RNF19A: variants seen among roughly 807,000 people sequenced by gnomAD.
RNF19A encodes ring finger protein 19A, RBR E3 ubiquitin protein ligase.
Under a neutral mutation model 75.7 loss-of-function variants are expected in RNF19A, and 32 were observed. The ratio of observed to expected loss-of-function variants is 0.42; its 90% CI spans 0.32 to 0.57. The LOEUF (loss-of-function observed/expected upper bound fraction) is 0.57. RNF19A is among the 20% of genes least tolerant of loss of function. The pLI, the probability that RNF19A is intolerant of heterozygous loss-of-function variation, is 0.10. For missense variants in RNF19A, 782 were observed against 1,036.3 expected (o/e 0.75, Z 3.37); for synonymous variants, 335 against 345.2 (o/e 0.97, Z 0.33).
chr8:100,320,727 C>T (rs960963641), intron 1 of RNF19A, among the ~76,000 whole-genome samples: 15 of 150,466 alleles, frequency 1.0e-4, no homozygotes, highest in South Asian at 2.1e-4. Context: ...AAATAATACA[C>T]GTAAAGCATT....
rs754033231 is a variant in RNF19A at position 100,287,049 on chromosome 8, TA to T, written c.674+451del. ...GAACACATCATACTGTGGCACATGCTAAGGTAGGTACCTTTCAAAAGGGCCA... is the reference window on the plus strand; with the variant it reads ...GAACACATCATACTGTGGCACATGCTAGGTAGGTACCTTTCAAAAGGGCCA... On this transcript the variant is annotated intron_variant, in intron 2 of 9. Transcript: ENST00000341084. This position sits in a 1 kb window ranked among gnomAD's most constrained non-coding sequence, Gnocchi z 4.1. 1.4e-4 allele frequency among the ~76,000 whole-genome samples: 22 copies of T among 152,118 alleles called. No homozygotes were observed. Among genetic ancestry groups the T allele is most frequent in the Admixed American group, 3.3e-4 (5 of 15,274 alleles).
At chr8:100,290,117 CT>C (rs1254275845) in intron 1 of RNF19A, among the ~76,000 whole-genome samples, 1 of 151,986 alleles carries the variant, frequency 6.6e-6, no homozygotes, top group East Asian at 1.9e-4. Context: ...ACAAAGGGAA[CT>C]TTTTTTGTTT....
chr8:100,309,972 T>A (rs1218093371), upstream of RNF19A: 2 of 985,142 alleles, frequency 2.0e-6, no homozygotes, highest in African/African-American at 3.5e-5. Flanking sequence ...GTCCCTCCGA[T>A]GCGCCGAGGC....
Position 100,275,447 on chromosome 8 carries a change from G to A in RNF19A, c.675-286C>T, listed in dbSNP as rs1455616420. ...ATTCAGGGGGTACATGTGCAAGTTT[G>A]TTACATAGGTCTATTGCATGATGCT... On this transcript the variant is annotated intron_variant, in intron 2 of 9. Transcript: ENST00000341084. The surrounding 1 kb of genome is among the most constrained non-coding windows in gnomAD (Gnocchi z 4.3). Among the ~76,000 whole-genome samples, 1 of 150,956 alleles carries A rather than the reference G, an allele frequency of 6.6e-6. No individual in the cohort carries two copies. The highest frequency in any genetic ancestry group is 1.5e-5 in the Non-Finnish European group (1 of 67,768).
chr8:100,274,768 A>G (rs1820421939), intron 3 of RNF19A, among the ~76,000 whole-genome samples, 185 bp downstream of exon 3: 1 of 152,172 alleles, frequency 6.6e-6, no homozygotes. Flanking sequence ...TTTCCTGGAC[A>G]GTATAATCTT....
Position 100,293,933 on chromosome 8 carries a change from A to G in RNF19A, c.-93-5666T>C, listed in dbSNP as rs146265711. ...TTTAGATATTGTACTTTTCAGTTCT[A>G]TAACATCTATTGTTCTTTTTCATAG... On this transcript the variant is annotated intron_variant, in intron 1 of 9. Coordinates refer to ENST00000341084, the MANE Select transcript of RNF19A (RefSeq NM_183419.4). Among the ~76,000 whole-genome samples, 18 of 152,298 alleles carry G rather than the reference A, an allele frequency of 1.2e-4. No individual in the cohort carries two copies. In the East Asian group the frequency reaches 2.5e-3, roughly 21 times the overall value.
chr8:100,274,997 A>T lies in RNF19A; in HGVS notation c.839T>A (p.Ile280Lys), dbSNP rs999898974. The change falls in exon 3 of 10, where the codon ATA becomes AAA. Residue 280 changes from isoleucine (I) to lysine (K), a missense_variant. Physicochemically the swap from Ile to Lys is moderately radical, Grantham distance 102 (BLOSUM62 -3). This residue lies in a region of RNF19A where 34 missense variants were observed against 25.2 expected (regional missense o/e 1.35). Coordinates refer to ENST00000341084, the MANE Select transcript of RNF19A (RefSeq NM_183419.4). ...ERAQSLRLRT[I>K]RSSSISYSQE... ...ACTATAACTAATGGATGAAGAACGT[A>T]TAGTTCTCAAACGTAAGCTCTGGGC... 6.2e-7 allele frequency: 1 copy of T among 1,614,188 alleles called. No homozygotes were observed. Among genetic ancestry groups the T allele is most frequent in the Non-Finnish European group, 8.5e-7 (1 of 1,180,008 alleles).
upstream of RNF19A, among the ~76,000 whole-genome samples, chr8:100,313,867 G>A (rs1822335936): frequency 6.7e-6 from 1 of 150,322 alleles, no homozygotes; most frequent in Non-Finnish European, 1.5e-5. Context: ...TGCATGGAAT[G>A]GAATAAAAGT....
At chr8:100,307,507 T>C (rs763131031) in intron 1 of RNF19A, among the ~76,000 whole-genome samples, 9 of 151,656 alleles carry the variant, frequency 5.9e-5, no homozygotes, top group Admixed American at 2.6e-4. Context: ...AAAATTTCTA[T>C]ATAAATCTAA....
At chr8:100,262,472 C>T (rs1819765138) in intron 7 of RNF19A, among the ~76,000 whole-genome samples, 1 of 151,766 alleles carries the variant, frequency 6.6e-6, no homozygotes, top group South Asian at 2.1e-4. Context: ...GTTTAAAAGC[C>T]TAGAAGTAGG....
intron 1 of RNF19A, among the ~76,000 whole-genome samples, chr8:100,307,164 C>T (rs1822096524): frequency 6.6e-6 from 1 of 152,150 alleles, no homozygotes; most frequent in South Asian, 2.1e-4. Context: ...CAGTACAAAA[C>T]CAGCCTGCAT....
rs895027816 is a variant in RNF19A at position 100,269,279 on chromosome 8, A to T, written c.1029-332T>A. On this transcript the variant is annotated intron_variant, in intron 4 of 9. Coordinates refer to ENST00000341084, the MANE Select transcript of RNF19A (RefSeq NM_183419.4). The surrounding 1 kb of genome is among the most constrained non-coding windows in gnomAD (Gnocchi z 5.7). The stretch of plus-strand genomic sequence containing the variant: ...GTTTAATAGTAAATTAATGCAAAAC[A>T]TGCATATTTTTAGGCATCAATTATC... 2.6e-5 allele frequency among the ~76,000 whole-genome samples: 4 copies of T among 152,038 alleles called. No individual in the cohort carries two copies. Among genetic ancestry groups the T allele is most frequent in the African/African-American group, 9.7e-5 (4 of 41,434 alleles).
upstream of RNF19A, among the ~76,000 whole-genome samples, chr8:100,311,986 A>G (rs1822306516): frequency 6.6e-6 from 1 of 152,116 alleles, no homozygotes. Context: ...CCCCAACTTG[A>G]ATTCCTAGAG....
In RNF19A at chr8:100,258,460, C is replaced by T; in HGVS notation, c.*96G>A. On this transcript the variant is annotated 3_prime_UTR_variant, in exon 10 of 10. Transcript: ENST00000341084. This position sits in a 1 kb window ranked among gnomAD's most constrained non-coding sequence, Gnocchi z 4.3. ...TCTGCATTATGATAATGAAACCCGG[C>T]TTTTGCTGGTAACCTGAAACTTAAG... is the stretch of plus-strand genomic sequence containing the variant. 1 of 998,092 alleles carries T rather than the reference C, an allele frequency of 1.0e-6. No individual in the cohort carries two copies. Among genetic ancestry groups the T allele is most frequent in the Non-Finnish European group, 1.5e-6 (1 of 668,202 alleles). The allele number at this position is 998,092 out of a possible 1,614,324, so 61.8% of individuals were successfully genotyped here.
At chr8:100,314,050 T>A (rs1437507250), upstream of RNF19A, among the ~76,000 whole-genome samples, 2 of 151,786 alleles carry the variant, frequency 1.3e-5, no homozygotes, top group African/African-American at 4.8e-5. This position sits in a 1 kb window ranked among gnomAD's most constrained non-coding sequence, Gnocchi z 4.1. Flanking sequence ...CCTGGCTAAT[T>A]TTTGTATTTT....
In RNF19A at chr8:100,258,749, C is replaced by CA. The variant is rs1341975811; in HGVS notation, c.2323dup (p.Cys775LeufsTer2). On this transcript the variant is annotated frameshift_variant, in exon 10 of 10. Transcript: ENST00000341084. LOFTEE classifies it high-confidence loss of function. This position sits in a 1 kb window ranked among gnomAD's most constrained non-coding sequence, Gnocchi z 4.3. ...AGTTTGGGTAACCACAGAAATGCTA[C>CA]ACTGATGTGGGGAATTTTCCAGACG... is the stretch of plus-strand genomic sequence containing the variant. The CA allele has an allele frequency of 6.2e-7, 1 of 1,614,198 alleles. No homozygotes were observed. The highest frequency in any genetic ancestry group is 1.1e-5 in the South Asian group (1 of 91,086).
At position 100,323,970 on chromosome 8, in the gene RNF19A, C is replaced by T. The variant is rs1822495769; in HGVS notation, c.-242-10598G>A. Among the ~76,000 whole-genome samples, 1 of 152,138 alleles carries T rather than the reference C, an allele frequency of 6.6e-6. No homozygotes were observed. Among genetic ancestry groups the T allele is most frequent in the Admixed American group, 6.5e-5 (1 of 15,278 alleles). On this transcript the variant is annotated intron_variant, in intron 1 of 3. Transcript: ENST00000519527. This position sits in a 1 kb window ranked among gnomAD's most constrained non-coding sequence, Gnocchi z 4.6. ...TATCTGAGGTCTCGGGGCCAGAGAT[C>T]TGTATTCAATTTCAAATTGTTTCTA...
intron 1 of RNF19A, among the ~76,000 whole-genome samples, chr8:100,289,059 C>CAAA (rs34638933): frequency 8.6e-5 from 8 of 92,542 alleles, no homozygotes; most frequent in African/African-American, 2.2e-4. Flanking sequence ...GACTCCATCT[C>CAAA]AAAAAAAAAA....
In RNF19A at chr8:100,330,668, C is replaced by T. The variant is rs1822597633; in HGVS notation, c.-243+5440G>A. Among the ~76,000 whole-genome samples, 1 of 152,224 alleles carries T rather than the reference C, an allele frequency of 6.6e-6. No homozygotes were observed. The highest frequency in any genetic ancestry group is 2.1e-4 in the South Asian group (1 of 4,830). On this transcript the variant is annotated intron_variant, in intron 1 of 3. Coordinates refer to the RNF19A transcript ENST00000519527. The surrounding 1 kb of genome is among the most constrained non-coding windows in gnomAD (Gnocchi z 4.1). ...CTGATGATATTGTTGAGTCTCTGGA[C>T]TTTCCAGTTACCCAAGGCAATAAAT...
Sources: gnomAD v4.1 joint callset for allele counts (sites outside exome capture counted in the v4.1 genomes callset) on GRCh38, gnomAD v4.1.1 for gene constraint, gnomAD v4.1.1 regional missense constraint, Gnocchi (gnomAD v3.1) non-coding constraint, MANE v1.5 for transcripts, NCBI Gene and HGNC (gene_info 2026-07-23, HGNC 2026-07-21) for gene names.